The following PTPN14 variants were observed in gnomAD, a reference collection of about 807,000 sequenced individuals.
The protein encoded by PTPN14 is protein tyrosine phosphatase non-receptor type 14.
A neutral mutation model predicts 126.8 loss-of-function variants in PTPN14; 53 were observed. The ratio of observed to expected loss-of-function variants is 0.42; its 90% CI spans 0.34 to 0.53. The LOEUF is 0.53. Ranked by LOEUF, PTPN14 falls within the 20% of genes least tolerant of loss-of-function variation. The probability of loss-of-function intolerance (pLI) is 0.08; values close to 1 mark genes in which losing one functional copy is unlikely to be tolerated. For synonymous variants in PTPN14, 630 were observed against 599.3 expected (o/e 1.05, Z -0.75); for missense variants, 1,257 against 1,552.9 (o/e 0.81, Z 3.20).
At chr1:214,415,879 A>G (rs1246927920) in intron 3 of PTPN14, among the ~76,000 whole-genome samples, 1 of 152,218 alleles carries the variant, frequency 6.6e-6, no homozygotes, top group Non-Finnish European at 1.5e-5. Flanking sequence ...AGTTACTTAA[A>G]AATCCTTTTT....
intron 7 of PTPN14, among the ~76,000 whole-genome samples, chr1:214,400,396 CA>C (rs1658988353): frequency 6.6e-6 from 1 of 152,156 alleles, no homozygotes; most frequent in South Asian, 2.1e-4. Flanking sequence ...CCGAGCTTGG[CA>C]ATAAGTCAGA....
chr1:214,426,393 A>G (rs1327113338), intron 3 of PTPN14, among the ~76,000 whole-genome samples: 1 of 152,184 alleles, frequency 6.6e-6, no homozygotes. Context: ...TCATTTGTTA[A>G]ATGCAATTTA....
intron 7 of PTPN14, among the ~76,000 whole-genome samples, chr1:214,398,770 A>ATT (rs764650891): frequency 8.5e-5 from 12 of 140,906 alleles, no homozygotes; most frequent in African/African-American, 2.3e-4. Context: ...AAAAGAGTAA[A>ATT]TTTTTTTTTT....
At chr1:214,461,446 A>G (rs1349752972) in intron 2 of PTPN14, among the ~76,000 whole-genome samples, 1 of 151,474 alleles carries the variant, frequency 6.6e-6, no homozygotes, top group East Asian at 2.0e-4. Context: ...CAGCCTGGGC[A>G]ATACAGTGAG....
intron 1 of PTPN14, among the ~76,000 whole-genome samples, chr1:214,482,436 AT>A (rs1661011046): frequency 6.6e-6 from 1 of 152,258 alleles, no homozygotes; most frequent in Non-Finnish European, 1.5e-5. Context: ...GAATTAAGGA[AT>A]GCTGCACTTG....
intron 11 of PTPN14, among the ~76,000 whole-genome samples, chr1:214,387,324 C>G (rs1228470357): frequency 4.6e-5 from 7 of 152,120 alleles, no homozygotes; most frequent in African/African-American, 1.7e-4. Context: ...CCAGCCTGGG[C>G]AACACATTGA....
intron 2 of PTPN14, among the ~76,000 whole-genome samples, chr1:214,454,058 C>CT (rs1366968047): frequency 6.6e-6 from 1 of 152,076 alleles, no homozygotes; most frequent in African/African-American, 2.4e-5. Context: ...GAACACAGGG[C>CT]TGTATGAGGG....
chr1:214,522,390 T>C (rs1051129099), intron 1 of PTPN14, among the ~76,000 whole-genome samples: 4 of 152,192 alleles, frequency 2.6e-5, no homozygotes, highest in African/African-American at 4.8e-5. Context: ...TTTGATTAAA[T>C]TAATATCTTG....
chr1:214,477,233 G>GTT (rs1660886800), intron 1 of PTPN14, among the ~76,000 whole-genome samples: 1 of 152,196 alleles, frequency 6.6e-6, no homozygotes, highest in South Asian at 2.1e-4. Context: ...GTATGAACTA[G>GTT]TATCAGCTGT....
rs767367739 is a variant in PTPN14 at position 214,399,486 on chromosome 1, G to A, written c.670-1485C>T. Among the ~76,000 whole-genome samples, 9 of 151,950 alleles carry A rather than the reference G, an allele frequency of 5.9e-5. 1 individual carries two copies. Among genetic ancestry groups the A allele is most frequent in the Admixed American group, 3.3e-4 (5 of 15,272 alleles). On this transcript the variant is annotated intron_variant, in intron 7 of 18. Coordinates refer to ENST00000366956, the MANE Select transcript of PTPN14 (RefSeq NM_005401.5). ...TACCAAAGTTTTTGTTTTTTAAATCGTTATACATGCAATAATTTGAAGAGT... is the reference window on the plus strand; with the variant it reads ...TACCAAAGTTTTTGTTTTTTAAATCATTATACATGCAATAATTTGAAGAGT...
chr1:214,536,175 G>T (rs879343238), intron 1 of PTPN14, among the ~76,000 whole-genome samples: 1 of 151,720 alleles, frequency 6.6e-6, no homozygotes, highest in African/African-American at 2.4e-5. Flanking sequence ...GTGGGGTGGG[G>T]GTGGGGGAGA....
Position 214,418,292 on chromosome 1 carries a change from T to A in PTPN14, c.345-3566A>T, listed in dbSNP as rs558381458. Among the ~76,000 whole-genome samples, 15 of 152,246 alleles carry A rather than the reference T, an allele frequency of 9.9e-5. No homozygotes were observed. The East Asian group carries it at 1.4e-3, about 14-fold the overall frequency. On this transcript the variant is annotated intron_variant, in intron 3 of 18. Transcript: ENST00000366956. ...GTGGATCTGTCAGGTGGGCAGCAAA[T>A]AAACCTTTGTTTGTGAAAGCCACAG... is the stretch of plus-strand genomic sequence containing the variant.
chr1:214,493,396 A>C (rs533760795), intron 1 of PTPN14, among the ~76,000 whole-genome samples: 1 of 152,320 alleles, frequency 6.6e-6, no homozygotes, highest in East Asian at 1.9e-4. Context: ...ACCATGTACA[A>C]GACAGCACAA....
chr1:214,476,807 T>C (rs1301477586), intron 1 of PTPN14, among the ~76,000 whole-genome samples: 1 of 152,176 alleles, frequency 6.6e-6, no homozygotes, highest in Admixed American at 6.5e-5. Flanking sequence ...CACCTAGAGT[T>C]GTTGGGAGGG....
chr1:214,443,504 A>AT (rs1026702599), intron 3 of PTPN14, among the ~76,000 whole-genome samples: 13 of 152,124 alleles, frequency 8.5e-5, no homozygotes, highest in African/African-American at 3.1e-4. Flanking sequence ...GATCACACCC[A>AT]TAACAGTAGA....
intron 1 of PTPN14, among the ~76,000 whole-genome samples, chr1:214,510,632 G>C (rs1654950773): frequency 6.6e-6 from 1 of 152,072 alleles, no homozygotes; most frequent in Admixed American, 6.6e-5. Flanking sequence ...CACCTGATTT[G>C]CCCTCCCAAT....
At chr1:214,489,267 G>A (rs981709454) in intron 1 of PTPN14, among the ~76,000 whole-genome samples, 26 of 152,286 alleles carry the variant, frequency 1.7e-4, no homozygotes, top group Admixed American at 1.6e-3. Context: ...CGAAACTGAG[G>A]CTTGCGGAGG....
intron 3 of PTPN14, among the ~76,000 whole-genome samples, chr1:214,424,988 G>A (rs1393395537): frequency 6.6e-6 from 1 of 151,748 alleles, no homozygotes; most frequent in Non-Finnish European, 1.5e-5. Context: ...TAGAGGCAGA[G>A]GTTATGCCAC....
intron 1 of PTPN14, among the ~76,000 whole-genome samples, chr1:214,516,662 G>T (rs1265983786): frequency 6.6e-6 from 1 of 152,104 alleles, no homozygotes; most frequent in Non-Finnish European, 1.5e-5. Context: ...TACCAGGACT[G>T]TAAATATTTA....
Sources: gnomAD v4.1 joint callset for allele counts (sites outside exome capture counted in the v4.1 genomes callset) on GRCh38, gnomAD v4.1.1 for gene constraint, MANE v1.5 for transcripts, NCBI Gene and HGNC (gene_info 2026-07-23, HGNC 2026-07-21) for gene names.